Variants in INPP5F observed in about 807,000 individuals in gnomAD.
INPP5F encodes the protein phosphatidylinositide 4-phosphatase SAC2.
A neutral mutation model predicts 137.2 loss-of-function variants in INPP5F; 97 were observed. The observed-to-expected ratio is 0.71, with a 90% confidence interval of 0.60 to 0.84. The LOEUF (loss-of-function observed/expected upper bound fraction) is 0.84, where lower values mean the gene tolerates loss of function less well. INPP5F is among the 40% of genes least tolerant of loss of function. The pLI, the probability that INPP5F is intolerant of heterozygous loss-of-function variation, is 0.00. For missense variants in INPP5F, 1,271 were observed against 1,371.9 expected (o/e 0.93, Z 1.16); for synonymous variants, 504 against 476.9 (o/e 1.06, Z -0.74).
intron 16 of INPP5F, among the ~76,000 whole-genome samples, chr10:119,821,359 T>TGTGTGC (rs1851554317): frequency 6.6e-6 from 1 of 150,626 alleles, no homozygotes. Flanking sequence ...TGTGTGTGTG[T>TGTGTGC]GCATGTGCCT....
Position 119,808,070 on chromosome 10 carries a change from T to TG in INPP5F, c.1569+11dup. The stretch of plus-strand genomic sequence containing the variant: ...GACAGCTGCTCTGAAGGTAAATACT[T>TG]GCAGGAAGCATCTGTGGGTCATTAT... On this transcript the variant is annotated intron_variant, in intron 13 of 19. Transcript: ENST00000650623. The TG allele has an allele frequency of 6.2e-7, 1 of 1,608,308 alleles. No individual in the cohort carries two copies. Among genetic ancestry groups the TG allele is most frequent in the Middle Eastern group, 1.7e-4 (1 of 6,024 alleles).
intron 2 of INPP5F, among the ~76,000 whole-genome samples, chr10:119,777,704 A>G (rs1849572713): frequency 6.6e-6 from 1 of 152,192 alleles, no homozygotes; most frequent in Non-Finnish European, 1.5e-5. Context: ...CTAAAGGGTA[A>G]TGTTTCACAT....
intron 19 of INPP5F, chr10:119,826,139 T>C (rs952572309): frequency 1.0e-5 from 4 of 396,158 alleles, no homozygotes; most frequent in Non-Finnish European, 1.8e-5. Context: ...GATTCCCATT[T>C]ACAGTCAGAG....
chr10:119,807,332 G>GA (rs1319856155), intron 12 of INPP5F, among the ~76,000 whole-genome samples: 1 of 152,130 alleles, frequency 6.6e-6, no homozygotes, highest in Non-Finnish European at 1.5e-5. Flanking sequence ...ACTGTACTTT[G>GA]AGGACACGAA....
chr10:119,807,685 G>C (rs1429151196), intron 12 of INPP5F, among the ~76,000 whole-genome samples: 1 of 152,110 alleles, frequency 6.6e-6, no homozygotes, highest in South Asian at 2.1e-4. Context: ...AAATATAATA[G>C]TATGATCCTG....
In INPP5F at chr10:119,810,050, G is replaced by C. The variant is rs1018672495; in HGVS notation, c.1570-50G>C. On this transcript the variant is annotated intron_variant, in intron 13 of 19. Transcript: ENST00000650623. ...ACTGAAAGCCCACAATTTATTTTGG[G>C]GGCATTCTTGTGTTTAAATAAGATG... The C allele has an allele frequency of 8.0e-6, 8 of 996,702 alleles. No homozygotes were observed. In the African/African-American group the frequency reaches 1.1e-4, roughly 14 times the overall value. The allele number at this position is 996,702 out of a possible 1,614,324, so 61.7% of individuals were successfully genotyped here. A position where few individuals can be genotyped will look rare whatever the true frequency, so the allele number is the denominator to read the frequency against.
intron 9 of INPP5F, among the ~76,000 whole-genome samples, chr10:119,800,325 G>T (rs1009318383): frequency 1.8e-4 from 27 of 151,394 alleles, no homozygotes; most frequent in African/African-American, 6.1e-4. Flanking sequence ...GGAGGCCAAC[G>T]TGGGCGGATC....
chr10:119,771,591 T>C (rs558544792), intron 2 of INPP5F, among the ~76,000 whole-genome samples: 24 of 152,076 alleles, frequency 1.6e-4, no homozygotes, highest in African/African-American at 4.1e-4. Context: ...TACAAACAAA[T>C]ACAATTATTA....
At chr10:119,745,049 A>G (rs996273766) in intron 1 of INPP5F, among the ~76,000 whole-genome samples, 1 of 151,694 alleles carries the variant, frequency 6.6e-6, no homozygotes, top group Admixed American at 6.6e-5. Flanking sequence ...ATGCATTTAC[A>G]TGGTTCACAA....
intron 1 of INPP5F, among the ~76,000 whole-genome samples, chr10:119,738,648 T>TACACACAC (rs57713774): frequency 1.3e-3 from 197 of 150,346 alleles, no homozygotes; most frequent in African/African-American, 4.6e-3. Flanking sequence ...AGATTTTAAA[T>TACACACAC]ACACACACAC....
At chr10:119,820,747 C>T (rs1270526376) in intron 15 of INPP5F, 99 bp from the exon 16 acceptor site, 5 of 874,054 alleles carry the variant, frequency 5.7e-6, no homozygotes, top group Middle Eastern at 2.2e-4. Context: ...CTCCCCCTGG[C>T]CAATTTTTTG....
intron 1 of INPP5F, among the ~76,000 whole-genome samples, chr10:119,728,731 G>C (rs1442659725): frequency 6.6e-6 from 1 of 152,172 alleles, no homozygotes. Flanking sequence ...ATTTAGCCTG[G>C]AATGTTTGTT....
At chr10:119,826,563 T>C (rs902987048) in intron 19 of INPP5F, 68 bp from the exon 20 acceptor site, 61 of 1,241,698 alleles carry the variant, frequency 4.9e-5, no homozygotes, top group Non-Finnish European at 6.4e-5. Flanking sequence ...TTTTCACTTA[T>C]GTTAATAACT....
At chr10:119,802,630 A>G (rs1850632622) in intron 9 of INPP5F, among the ~76,000 whole-genome samples, 1 of 152,200 alleles carries the variant, frequency 6.6e-6, no homozygotes, top group Non-Finnish European at 1.5e-5. Context: ...TCCAGAAAAT[A>G]TCTTTCTTTT....
In INPP5F at chr10:119,726,194, G is replaced by A; in HGVS notation, c.-69G>A. ...GCTCCCCGAGGCGCGGGCTCTGGCG[G>A]CCTCGACCGACTAGGACGCCCCGTG... On this transcript the variant is annotated 5_prime_UTR_variant, in exon 1 of 20. Coordinates refer to ENST00000650623, the MANE Select transcript of INPP5F (RefSeq NM_014937.4). 3 of 1,006,732 alleles carry A rather than the reference G, an allele frequency of 3.0e-6. No individual in the cohort carries two copies. The highest frequency in any genetic ancestry group is 2.4e-5 in the South Asian group (1 of 40,968). The allele number at this position is 1,006,732 out of a possible 1,614,324, so 62.4% of individuals were successfully genotyped here. A position where few individuals can be genotyped will look rare whatever the true frequency, so the allele number is the denominator to read the frequency against.
rs1850144784 is a variant in INPP5F at position 119,791,542 on chromosome 10, T to C, written c.341T>C (p.Ile114Thr). Residue 114 changes from isoleucine to threonine, a missense_variant, in exon 4 of 20, where the codon ATT (isoleucine) becomes ACT (threonine). Coordinates refer to ENST00000650623, the MANE Select transcript of INPP5F (RefSeq NM_014937.4). ...LELCKKHHFG[I>T]NKPEKIIPSP... ...CTCTGTAAGAAGCATCATTTTGGTA[T>C]TAACAAACCAGAGAAGATCATACCA... 6.2e-7 allele frequency: 1 copy of C among 1,603,320 alleles called. No individual in the cohort carries two copies. The highest frequency in any genetic ancestry group is 8.5e-7 in the Non-Finnish European group (1 of 1,171,740).
chr10:119,750,456 A>G (rs1848660336), intron 1 of INPP5F, among the ~76,000 whole-genome samples: 2 of 152,198 alleles, frequency 1.3e-5, no homozygotes, highest in African/African-American at 4.8e-5. Context: ...AGCTTGTGTC[A>G]TCTAATTTCT....
chr10:119,805,453 G>A lies in INPP5F; in HGVS notation c.1311G>A (p.Lys437=). Residue 437 remains lysine (K), a synonymous_variant, in exon 11 of 20, where the codon AAG becomes AAA. Coordinates refer to ENST00000650623, the MANE Select transcript of INPP5F (RefSeq NM_014937.4). The part of the protein sequence containing the change: ...DAIYDIILDM[K]WCWVDEAGVI... ...TTTATGACATTATTCTTGATATGAA[G>A]TGGTGTTGGTAAGTATTTTACAAGA... The A allele has an allele frequency of 1.9e-6, 3 of 1,606,194 alleles. No homozygotes were observed. Among genetic ancestry groups the A allele is most frequent in the Non-Finnish European group, 2.6e-6 (3 of 1,172,904 alleles).
At chr10:119,752,980 T>A (rs1384693023) in intron 2 of INPP5F, among the ~76,000 whole-genome samples, 5 of 151,574 alleles carry the variant, frequency 3.3e-5, no homozygotes, top group African/African-American at 1.2e-4. Context: ...GAACTAATAC[T>A]GCTATGAGCA....
Sources: gnomAD v4.1 joint callset for allele counts (sites outside exome capture counted in the v4.1 genomes callset) on GRCh38, gnomAD v4.1.1 for gene constraint, MANE v1.5 for transcripts, NCBI Gene and HGNC (gene_info 2026-07-23, HGNC 2026-07-21) for gene names.